RPS6KA2: variants seen among roughly 807,000 people sequenced by gnomAD.
The protein encoded by RPS6KA2 is ribosomal protein S6 kinase A2.
RPS6KA2 carries 42 observed loss-of-function variants against 91.8 expected under a neutral mutation model. That is an observed-to-expected ratio of 0.46 (90% CI 0.36 to 0.59). The LOEUF (loss-of-function observed/expected upper bound fraction) is 0.59, where lower values mean the gene tolerates loss of function less well. Among genes scored for constraint, RPS6KA2 ranks in the 20% least tolerant of loss-of-function variants. The pLI, the probability that RPS6KA2 is intolerant of heterozygous loss-of-function variation, is 0.00. For missense variants in RPS6KA2, 798 were observed against 978.5 expected (o/e 0.82, Z 2.46); for synonymous variants, 414 against 393.6 (o/e 1.05, Z -0.61).
At chr6:166,759,817 G>T (rs567218) in intron 2 of RPS6KA2, among the ~76,000 whole-genome samples, 85,961 of 151,678 alleles carry the variant, frequency 0.57, 25,016 homozygotes, top group South Asian at 0.69. Flanking sequence ...CACAGCCGCA[G>T]CCGAGTCCGT....
At chr6:166,761,513 G>A (rs1778170078) in intron 2 of RPS6KA2, among the ~76,000 whole-genome samples, 1 of 152,234 alleles carries the variant, frequency 6.6e-6, no homozygotes, top group Non-Finnish European at 1.5e-5. Flanking sequence ...GTTGACAGGT[G>A]AGCATCCACC....
At chr6:166,802,516 G>GTGAGGC (rs1319736518) in intron 2 of RPS6KA2, among the ~76,000 whole-genome samples, 1 of 152,208 alleles carries the variant, frequency 6.6e-6, no homozygotes, top group Non-Finnish European at 1.5e-5. Flanking sequence ...TCACATAACA[G>GTGAGGC]TGAGGCTGCC....
Position 166,423,575 on chromosome 6 carries a change from T to C in RPS6KA2, c.1582-158A>G, listed in dbSNP as rs1467075841. 6.6e-6 allele frequency among the ~76,000 whole-genome samples: 1 copy of C among 152,102 alleles called. No homozygotes were observed. The highest frequency in any genetic ancestry group is 1.9e-4 in the East Asian group (1 of 5,200). On this transcript the variant is annotated intron_variant, in intron 16 of 20. Transcript: ENST00000265678. The surrounding 1 kb of genome is among the most constrained non-coding windows in gnomAD (Gnocchi z 4.8). ...AACAGTGTCAACAGCTGCTGTCTTC[T>C]CCAGAGGGCCCCCCACCTTCTCCCA...
chr6:166,681,799 T>C (rs1422893096), intron 2 of RPS6KA2, among the ~76,000 whole-genome samples: 1 of 150,776 alleles, frequency 6.6e-6, no homozygotes, highest in African/African-American at 2.4e-5. Flanking sequence ...GGCTGGGGCC[T>C]GACACCTGCA....
rs1368247167 is a variant in RPS6KA2 at position 166,508,157 on chromosome 6, ACAGAAG to A, written c.459+40_459+45del. ...CACCCCTCCTCCCCTCGAGTCCCAG[ACAGAAG>A]CTCCTGCCCGCCCTCCTGTGTGATG... On this transcript the variant is annotated intron_variant, in intron 5 of 20. Transcript: ENST00000265678. The surrounding 1 kb of genome is among the most constrained non-coding windows in gnomAD (Gnocchi z 4.3). 1 of 1,316,738 alleles carries A rather than the reference ACAGAAG, an allele frequency of 7.6e-7. No homozygotes were observed. Among genetic ancestry groups the A allele is most frequent in the East Asian group, 2.3e-5 (1 of 43,428 alleles). The allele number at this position is 1,316,738 out of a possible 1,614,324, so 81.6% of individuals were successfully genotyped here. A position where few individuals can be genotyped will look rare whatever the true frequency, so the allele number is the denominator to read the frequency against.
At chr6:166,689,261 C>G (rs967892774) in intron 2 of RPS6KA2, among the ~76,000 whole-genome samples, 1 of 152,230 alleles carries the variant, frequency 6.6e-6, no homozygotes, top group Admixed American at 6.5e-5. Context: ...AAACAGAACT[C>G]GTGTCTGAAT....
chr6:166,531,291 TTCACCTTCC>T lies in RPS6KA2; in HGVS notation c.230_238del (p.Arg77_Val79del). On this transcript the variant is annotated inframe_deletion, in exon 3 of 21. Transcript: ENST00000265678. ...GTAGAGCTGCCCAGCGTCGGACCCCTTCACCTTCCTCACCAGGAACACCTTAGCAAGAGA... is the reference window on the plus strand; with the variant it reads ...GTAGAGCTGCCCAGCGTCGGACCCCTTCACCAGGAACACCTTAGCAAGAGA... 6.2e-7 allele frequency: 1 copy of T among 1,614,040 alleles called. No homozygotes were observed. The highest frequency in any genetic ancestry group is 8.5e-7 in the Non-Finnish European group (1 of 1,179,900).
At chr6:166,579,737 G>A (rs774418804) in intron 1 of RPS6KA2, among the ~76,000 whole-genome samples, 22 of 152,104 alleles carry the variant, frequency 1.4e-4, no homozygotes, top group African/African-American at 4.6e-4. Flanking sequence ...ATTTAATGTC[G>A]CTAAATTTCA....
At chr6:166,654,857 C>T (rs556664456) in intron 2 of RPS6KA2, among the ~76,000 whole-genome samples, 6 of 152,260 alleles carry the variant, frequency 3.9e-5, no homozygotes, top group Admixed American at 6.5e-5. Context: ...CCTGCCGGGT[C>T]GCCTTTGTGA....
chr6:166,799,862 G>A (rs1779319302), intron 2 of RPS6KA2, among the ~76,000 whole-genome samples: 1 of 152,054 alleles, frequency 6.6e-6, no homozygotes, highest in Non-Finnish European at 1.5e-5. Flanking sequence ...TGTCTCCGGA[G>A]TAGTGTACAC....
chr6:166,803,007 C>T (rs1779409274), intron 2 of RPS6KA2, among the ~76,000 whole-genome samples: 1 of 151,164 alleles, frequency 6.6e-6, no homozygotes, highest in Admixed American at 6.6e-5. Flanking sequence ...TTAAAGTTTA[C>T]ATTGTATTCT....
chr6:166,660,393 C>T (rs1425914817), intron 2 of RPS6KA2, among the ~76,000 whole-genome samples: 8 of 144,686 alleles, frequency 5.5e-5, no homozygotes, highest in Non-Finnish European at 1.2e-4. Flanking sequence ...TATGGGCATG[C>T]GTGCGTGTGT....
chr6:166,685,660 T>A (rs1400411956), intron 2 of RPS6KA2, among the ~76,000 whole-genome samples: 2 of 152,156 alleles, frequency 1.3e-5, no homozygotes, highest in African/African-American at 2.4e-5. Flanking sequence ...AAAGAATTCC[T>A]CCCCGTGCAC....
At chr6:166,653,872 T>G (rs567772811) in intron 2 of RPS6KA2, among the ~76,000 whole-genome samples, 1 of 152,344 alleles carries the variant, frequency 6.6e-6, no homozygotes, top group South Asian at 2.1e-4. Flanking sequence ...CATTAATACG[T>G]TTTATTTAAA....
chr6:166,744,771 C>T lies in RPS6KA2; in HGVS notation c.123+113429G>A, dbSNP rs535844202. ...TTAAAGCGGCACTCCACGTCCCTGG[C>T]GGCGGTGGGGTCGCGAGCCTGCACC... On this transcript the variant is annotated intron_variant, in intron 2 of 21. Transcript: ENST00000503859. 4.3e-4 allele frequency among the ~76,000 whole-genome samples: 65 copies of T among 152,256 alleles called. No individual in the cohort carries two copies. In the East Asian group the frequency reaches 5.6e-3, roughly 13 times the overall value.
At chr6:166,817,112 G>A (rs564975669) in intron 2 of RPS6KA2, among the ~76,000 whole-genome samples, 2 of 152,282 alleles carry the variant, frequency 1.3e-5, no homozygotes, top group Admixed American at 1.3e-4. Context: ...AAGGAATAGA[G>A]AAAATATATA....
chr6:166,759,849 C>T (rs1392025603), intron 2 of RPS6KA2, among the ~76,000 whole-genome samples: 1 of 152,252 alleles, frequency 6.6e-6, no homozygotes, highest in African/African-American at 2.4e-5. Context: ...GCGGTCAACG[C>T]AGCGCCGTTC....
At chr6:166,782,813 G>A (rs77688808) in intron 2 of RPS6KA2, among the ~76,000 whole-genome samples, 1,567 of 152,208 alleles carry the variant, frequency 0.01, 20 homozygotes, top group African/African-American at 0.036. Flanking sequence ...GGCAAGCAGG[G>A]ATTGTTCAGC....
intron 2 of RPS6KA2, among the ~76,000 whole-genome samples, chr6:166,698,912 C>T (rs1471469385): frequency 6.6e-6 from 1 of 152,056 alleles, no homozygotes; most frequent in Non-Finnish European, 1.5e-5. Flanking sequence ...TTTAGAATGA[C>T]GGCTAATTTG....
Sources: allele counts gnomAD v4.1 joint callset (sites outside exome capture counted in the v4.1 genomes callset), GRCh38; gene constraint gnomAD v4.1.1; non-coding constraint Gnocchi (gnomAD v3.1); transcripts MANE v1.5; gene names NCBI Gene and HGNC (gene_info 2026-07-23, HGNC 2026-07-21).